Variants in PIK3C2A observed in about 807,000 individuals in gnomAD.
PIK3C2A encodes the protein phosphatidylinositol-4-phosphate 3-kinase catalytic subunit type 2 alpha, also known as phosphatidylinositol 4-phosphate 3-kinase C2 domain-containing subunit alpha.
A neutral mutation model predicts 204.5 loss-of-function variants in PIK3C2A; 97 were observed. That is an observed-to-expected ratio of 0.47 (90% CI 0.40 to 0.56). PIK3C2A has a LOEUF of 0.56. Ranked by LOEUF, PIK3C2A falls within the 20% of genes least tolerant of loss-of-function variation. The pLI, the probability that PIK3C2A is intolerant of heterozygous loss-of-function variation, is 0.00. For missense variants in PIK3C2A, 1,735 were observed against 1,969.2 expected, an observed-to-expected ratio of 0.88 and a Z score of 2.25; for synonymous variants, 653 against 664.4, an observed-to-expected ratio of 0.98 and a Z score of 0.26.
chr11:17,179,165 T>C (rs1291529852), intron 1 of PIK3C2A, among the ~76,000 whole-genome samples: 2 of 151,862 alleles, frequency 1.3e-5, no homozygotes, highest in African/African-American at 4.8e-5. Context: ...GCACCTGGCC[T>C]ATTTATTTAT....
At chr11:17,195,680 T>C (rs1468741328) in intron 1 of PIK3C2A, among the ~76,000 whole-genome samples, 2 of 150,886 alleles carry the variant, frequency 1.3e-5, no homozygotes. Context: ...GAGGCGGAGG[T>C]TGCAGTGAGC....
rs554128572 is a variant in PIK3C2A, at chr11:17,114,736, C to T, written c.3217-271G>A. On this transcript the variant is annotated intron_variant, in intron 19 of 32. Transcript: ENST00000691414. Reference sequence around the variant, plus strand: ...AATAGAAGCCAAACAAAAATGAATGCAGTTTTTCACCTATCAGATGAAAAT... The same window carrying T: ...AATAGAAGCCAAACAAAAATGAATGTAGTTTTTCACCTATCAGATGAAAAT... Among the ~76,000 whole-genome samples, 4 of 152,246 alleles carry T rather than the reference C, an allele frequency of 2.6e-5. No homozygotes were observed. In the East Asian group the frequency reaches 7.7e-4, roughly 29 times the overall value.
chr11:17,168,768 C>T lies in PIK3C2A; in HGVS notation c.974G>A (p.Gly325Glu). The change falls in exon 2 of 33, where the codon GGA becomes GAA. Residue 325 changes from glycine (G) to glutamate (E), a missense_variant. Coordinates refer to ENST00000691414, the MANE Select transcript of PIK3C2A (RefSeq NM_002645.4). ...AACAGTTGCCACAGAAAGGGATTTT[C>T]CATTCACCTTTCTTTCAAGATGACA... ...ANCHLERKVN[G>E]KSLSVATVTR... 7 of 1,613,784 alleles carry T rather than the reference C, an allele frequency of 4.3e-6. No individual in the cohort carries two copies. Among genetic ancestry groups the T allele is most frequent in the Non-Finnish European group, 5.1e-6 (6 of 1,179,826 alleles).
At position 17,184,564 on chromosome 11, in the gene PIK3C2A, A is replaced by G. The variant is rs1180966092; in HGVS notation, c.-65-14758T>C. 2.0e-5 allele frequency among the ~76,000 whole-genome samples: 3 copies of G among 152,178 alleles called. No individual in the cohort carries two copies. The East Asian group carries it at 5.8e-4, about 29-fold the overall frequency. On this transcript the variant is annotated intron_variant, in intron 1 of 32. Transcript: ENST00000691414. ...CTATGTTCTTATATGTTATTACAAA[A>G]GCGTCAGAAGTTAAAAAAAATTAAA...
At chr11:17,200,433 A>C (rs1852325864) in intron 1 of PIK3C2A, among the ~76,000 whole-genome samples, 1 of 140,672 alleles carries the variant, frequency 7.1e-6, no homozygotes, top group African/African-American at 2.4e-5. Context: ...AAGTTTATTA[A>C]TAAAAAAGAG....
At chr11:17,144,468 T>A (rs541362359) in intron 8 of PIK3C2A, among the ~76,000 whole-genome samples, 2 of 152,330 alleles carry the variant, frequency 1.3e-5, no homozygotes, top group South Asian at 4.1e-4. Context: ...ATCCAATAAA[T>A]GCTTTTAGAG....
chr11:17,202,997 AT>A (rs1215652006), intron 1 of PIK3C2A, among the ~76,000 whole-genome samples: 3 of 152,244 alleles, frequency 2.0e-5, no homozygotes, highest in African/African-American at 7.2e-5. Context: ...TAAAAGATAA[AT>A]ACTTGTTGCT....
At chr11:17,194,564 C>T (rs1852072912) in intron 1 of PIK3C2A, 1 of 152,302 alleles carries the variant, frequency 6.6e-6, no homozygotes, top group Non-Finnish European at 1.5e-5. Flanking sequence ...AGCACTTCAC[C>T]TCTCTGAGCT....
intron 3 of PIK3C2A, among the ~76,000 whole-genome samples, chr11:17,154,776 G>A (rs886126894): frequency 3.9e-5 from 6 of 152,156 alleles, no homozygotes; most frequent in Admixed American, 2.0e-4. Flanking sequence ...AAGGGGGGAT[G>A]ATTTATAGTA....
intron 20 of PIK3C2A, 35 bp from the exon 21 acceptor site, chr11:17,112,701 A>C: frequency 9.0e-7 from 1 of 1,115,358 alleles, no homozygotes; most frequent in Non-Finnish European, 1.3e-6. Context: ...TAGAAAGATA[A>C]ATGAAAATGG....
chr11:17,118,013 A>T (rs1849259744), intron 18 of PIK3C2A, among the ~76,000 whole-genome samples: 1 of 148,356 alleles, frequency 6.7e-6, no homozygotes, highest in Non-Finnish European at 1.5e-5. Context: ...ATGCCCGGCC[A>T]TGTTAGTCAC....
At chr11:17,116,628 C>A (rs1436829772) in intron 19 of PIK3C2A, among the ~76,000 whole-genome samples, 1 of 151,038 alleles carries the variant, frequency 6.6e-6, no homozygotes, top group African/African-American at 2.4e-5. Context: ...CTTGCTCTGT[C>A]GCCCAGGCTG....
intron 11 of PIK3C2A, among the ~76,000 whole-genome samples, chr11:17,133,794 GGT>G: frequency 6.6e-6 from 1 of 151,986 alleles, no homozygotes; most frequent in Non-Finnish European, 1.5e-5. Context: ...TAGGCATGGT[GGT>G]GCACACCTGT....
chr11:17,135,131 G>A lies in PIK3C2A; in HGVS notation c.1877C>T (p.Thr626Ile). 1 of 1,613,982 alleles carries A rather than the reference G, an allele frequency of 6.2e-7. No individual in the cohort carries two copies. The highest frequency in any genetic ancestry group is 8.5e-7 in the Non-Finnish European group (1 of 1,179,948). The change falls in exon 10 of 33, where the codon ACT becomes ATT. Residue 626 changes from threonine (T) to isoleucine (I), a missense_variant. By Grantham distance (89) the Thr-to-Ile change is moderately conservative. Around this residue, in one of 6 missense-constraint regions of PIK3C2A, gnomAD observed 567 missense variants for 576.0 expected, o/e 0.98. Transcript: ENST00000691414. ...CATACCCCTAGTTGAACTCCTGCTA[G>A]TGTCTTCTCCTCCAAACAAAGAAGT... The part of the protein sequence containing the change: ...DVTSLFGGED[T>I]SRSSTRGSLN...
chr11:17,146,409 T>C (rs1850244941), intron 6 of PIK3C2A, among the ~76,000 whole-genome samples: 1 of 152,108 alleles, frequency 6.6e-6, no homozygotes, highest in African/African-American at 2.4e-5. Context: ...ATTACGCAAA[T>C]GTAGTCAAGA....
At chr11:17,172,586 T>A (rs1851214374) in intron 1 of PIK3C2A, among the ~76,000 whole-genome samples, 1 of 152,226 alleles carries the variant, frequency 6.6e-6, no homozygotes, top group Admixed American at 6.5e-5. Flanking sequence ...AACTTTTTCT[T>A]ATTAGTTTTA....
Position 17,168,695 on chromosome 11 carries a change from G to A in PIK3C2A, c.1047C>T (p.Ala349=). 6.3e-7 allele frequency: 1 copy of A among 1,586,628 alleles called. No homozygotes were observed. Among genetic ancestry groups the A allele is most frequent in the Non-Finnish European group, 8.6e-7 (1 of 1,167,152 alleles). ...ACTATACCTGAGATATATGGCCCTG[G>A]GCTTTTGCAAGCTGAGTTGTTCGAA... ...LNIRTTQLAK[A]QGHISQKDPN... The change falls in exon 2 of 33, where the codon GCC becomes GCT. Residue 349 remains alanine (A), a synonymous_variant. Transcript: ENST00000691414.
At chr11:17,155,826 T>C (rs1850572664) in intron 2 of PIK3C2A, among the ~76,000 whole-genome samples, 197 bp from the exon 3 acceptor site, 1 of 152,214 alleles carries the variant, frequency 6.6e-6, no homozygotes, top group Admixed American at 6.5e-5. Flanking sequence ...TTTCGTTCCT[T>C]GGTTTTACTT....
At chr11:17,197,980 G>A (rs796863591) in intron 1 of PIK3C2A, among the ~76,000 whole-genome samples, 74 of 152,234 alleles carry the variant, frequency 4.9e-4, no homozygotes, top group African/African-American at 1.7e-3. Context: ...CAATTTCTAT[G>A]ACTAAAAAAG....
Sources: gnomAD v4.1 joint callset for allele counts (sites outside exome capture counted in the v4.1 genomes callset) on GRCh38, gnomAD v4.1.1 for gene constraint, gnomAD v4.1.1 regional missense constraint, MANE v1.5 for transcripts, NCBI Gene and HGNC (gene_info 2026-07-23, HGNC 2026-07-21) for gene names.